Variants in PPTC7 observed in about 807,000 individuals in gnomAD.
The protein encoded by PPTC7 is protein phosphatase targeting COQ7, also known as protein phosphatase PTC7 homolog.
A neutral mutation model predicts 30.8 loss-of-function variants in PPTC7; 6 were observed. That is an observed-to-expected ratio of 0.19 (90% confidence interval 0.11 to 0.38). PPTC7 has a LOEUF of 0.38. PPTC7 is among the 10% of genes least tolerant of loss of function. PPTC7 has a pLI of 1.00. For missense variants in PPTC7, 218 were observed against 404.8 expected, an observed-to-expected ratio of 0.54 and a Z score of 3.96; for synonymous variants, 163 against 168.1, an observed-to-expected ratio of 0.97 and a Z score of 0.23.
Position 110,572,103 on chromosome 12 carries a change from AT to A in PPTC7, c.223+10705del, listed in dbSNP as rs34739063. 2.0e-5 allele frequency among the ~76,000 whole-genome samples: 3 copies of A among 152,294 alleles called. No homozygotes were observed. In the East Asian group the frequency reaches 5.8e-4, roughly 29 times the overall value. On this transcript the variant is annotated intron_variant, in intron 1 of 5. Transcript: ENST00000354300. ...TTACCTCAAATGACAGCATAGACTA[AT>A]TTTGGTAAGTCAAAAAACTTGCTAG...
chr12:110,553,280 G>C (rs897892588), intron 1 of PPTC7, among the ~76,000 whole-genome samples: 1 of 151,638 alleles, frequency 6.6e-6, no homozygotes, highest in Admixed American at 6.5e-5. Context: ...CTCCCGAGTA[G>C]CTGAGACTAC....
Position 110,536,943 on chromosome 12 carries a change from A to T in PPTC7, c.*94T>A. On this transcript the variant is annotated 3_prime_UTR_variant, in exon 6 of 6. Coordinates refer to ENST00000354300, the MANE Select transcript of PPTC7 (RefSeq NM_139283.2). ...ACTTACATCACTGGCCATTGAGATC[A>T]GTGGCAAAGAAATGTGGTCCTGCCA... 1 of 895,590 alleles carries T rather than the reference A, an allele frequency of 1.1e-6. No homozygotes were observed. The highest frequency in any genetic ancestry group is 1.4e-5 in the South Asian group (1 of 70,524). The allele number at this position is 895,590 out of a possible 1,614,324, so 55.5% of individuals were successfully genotyped here. A position where few individuals can be genotyped will look rare whatever the true frequency, so the allele number is the denominator to read the frequency against.
chr12:110,579,587 T>C (rs2064619201), intron 1 of PPTC7, among the ~76,000 whole-genome samples: 1 of 152,160 alleles, frequency 6.6e-6, no homozygotes, highest in Admixed American at 6.5e-5. Flanking sequence ...GTCCTGATCC[T>C]CAGGGGTTGT....
intron 1 of PPTC7, among the ~76,000 whole-genome samples, chr12:110,559,645 G>T (rs2064420887): frequency 6.7e-6 from 1 of 149,652 alleles, no homozygotes; most frequent in South Asian, 2.1e-4. Context: ...AGAATCACTT[G>T]AACCTGGGAG....
chr12:110,546,151 C>A (rs2064304326), intron 2 of PPTC7, 73 bp from the exon 3 acceptor site: 4 of 1,215,864 alleles, frequency 3.3e-6, no homozygotes, highest in Admixed American at 3.9e-5. Context: ...AACACATGAC[C>A]CCACAGAGCA....
chr12:110,551,695 A>T, intron 2 of PPTC7, 94 bp downstream of exon 2: 1 of 1,178,282 alleles, frequency 8.5e-7, no homozygotes, highest in Non-Finnish European at 1.2e-6. Context: ...GAAGAGCCTC[A>T]GAAAAAAGCT....
intron 1 of PPTC7, among the ~76,000 whole-genome samples, chr12:110,566,524 G>A (rs1315012341): frequency 3.9e-5 from 6 of 152,328 alleles, no homozygotes; most frequent in Non-Finnish European, 8.8e-5. Context: ...CAGGGCCGGT[G>A]TGAGGAACGA....
intron 1 of PPTC7, among the ~76,000 whole-genome samples, chr12:110,556,823 C>T (rs1188223332): frequency 6.6e-6 from 1 of 152,114 alleles, no homozygotes. Flanking sequence ...ACAAACGGCT[C>T]CCATAAACAC....
chr12:110,553,897 C>T (rs1452794894), intron 1 of PPTC7, among the ~76,000 whole-genome samples: 1 of 152,176 alleles, frequency 6.6e-6, no homozygotes, highest in East Asian at 1.9e-4. Flanking sequence ...CTCGCTCTGT[C>T]GCCCAGGCTG....
intron 3 of PPTC7, among the ~76,000 whole-genome samples, chr12:110,543,418 G>A (rs1362972378): frequency 2.0e-5 from 3 of 151,292 alleles, no homozygotes; most frequent in Non-Finnish European, 2.9e-5. Flanking sequence ...CATTAACTAA[G>A]GAGATACATG....
intron 2 of PPTC7, 146 bp from the exon 3 acceptor site, chr12:110,546,224 T>C (rs2135766927): frequency 1.6e-6 from 1 of 633,110 alleles, no homozygotes; most frequent in East Asian, 2.7e-5. Flanking sequence ...CTCCACATCC[T>C]CTACGAATAT....
At chr12:110,560,895 T>C (rs1435813629) in intron 1 of PPTC7, among the ~76,000 whole-genome samples, 1 of 152,212 alleles carries the variant, frequency 6.6e-6, no homozygotes, top group East Asian at 1.9e-4. Context: ...TGGCTCTACA[T>C]GGATTGTCTT....
Position 110,583,129 on chromosome 12 carries a change from CTGGGGCGCTCCTCAG to C in PPTC7, c.-113_-99del. 1 of 973,086 alleles carries C rather than the reference CTGGGGCGCTCCTCAG, an allele frequency of 1.0e-6. No individual in the cohort carries two copies. Among genetic ancestry groups the C allele is most frequent in the Non-Finnish European group, 1.3e-6 (1 of 750,306 alleles). 60.3% of individuals were successfully genotyped at this position (973,086 alleles called of 1,614,324 possible). A position where few individuals can be genotyped will look rare whatever the true frequency, so the allele number is the denominator to read the frequency against. On this transcript the variant is annotated 5_prime_UTR_variant, in exon 1 of 6. Coordinates refer to ENST00000354300, the MANE Select transcript of PPTC7 (RefSeq NM_139283.2). Reference sequence around the variant, plus strand: ...CTCCTCAGCCGCAGTCGCGCCGCCGCTGGGGCGCTCCTCAGGGCGGCGCGCAGTGGCCGCCGCCGC... The same window carrying C: ...CTCCTCAGCCGCAGTCGCGCCGCCGCGGCGGCGCGCAGTGGCCGCCGCCGC...
At chr12:110,538,540 T>C (rs565212598) in intron 4 of PPTC7, among the ~76,000 whole-genome samples, 9 of 152,318 alleles carry the variant, frequency 5.9e-5, no homozygotes, top group South Asian at 2.1e-4. Context: ...CTTGCTAAAA[T>C]AGGATGAACT....
intron 1 of PPTC7, among the ~76,000 whole-genome samples, chr12:110,569,660 C>T (rs888508336): frequency 3.3e-5 from 5 of 152,174 alleles, no homozygotes; most frequent in African/African-American, 1.2e-4. Context: ...TCTTCATTCA[C>T]TTAGGAAAAG....
In PPTC7 at chr12:110,533,294, T is replaced by A. The variant is rs2064182130; in HGVS notation, c.*3743A>T. On this transcript the variant is annotated 3_prime_UTR_variant, in exon 6 of 6. Coordinates refer to ENST00000354300, the MANE Select transcript of PPTC7 (RefSeq NM_139283.2). ...AATATCTTTACAGTTTATTTAAATG[T>A]ATTTACAGAACTATTCCTGCATAAG... 6.6e-6 allele frequency: 1 copy of A among 152,222 alleles called. No individual in the cohort carries two copies. The highest frequency in any genetic ancestry group is 1.5e-5 in the Non-Finnish European group (1 of 68,044). 9.4% of individuals were successfully genotyped at this position (152,222 alleles called of 1,614,324 possible).
chr12:110,542,289 A>AC (rs2064267467), intron 3 of PPTC7, among the ~76,000 whole-genome samples: 1 of 151,980 alleles, frequency 6.6e-6, no homozygotes, highest in African/African-American at 2.4e-5. Context: ...CGTATGTGCA[A>AC]CCATTTCCGT....
intron 1 of PPTC7, among the ~76,000 whole-genome samples, chr12:110,553,756 G>A (rs575309371): frequency 6.6e-6 from 1 of 152,282 alleles, no homozygotes; most frequent in South Asian, 2.1e-4. Context: ...TCCAGCGTGG[G>A]TGGATCAGCA....
intron 3 of PPTC7, among the ~76,000 whole-genome samples, chr12:110,544,805 C>A (rs2064292044): frequency 6.6e-6 from 1 of 152,052 alleles, no homozygotes; most frequent in Non-Finnish European, 1.5e-5. Flanking sequence ...TGCACTCCAG[C>A]CTGGGCAACA....
Sources: allele counts gnomAD v4.1 joint callset (sites outside exome capture counted in the v4.1 genomes callset), GRCh38; gene constraint gnomAD v4.1.1; transcripts MANE v1.5; gene names NCBI Gene and HGNC (gene_info 2026-07-23, HGNC 2026-07-21).